The following PRTG variants were observed in gnomAD, a reference collection of about 807,000 sequenced individuals.
PRTG encodes protogenin.
PRTG carries 67 observed loss-of-function variants against 122.5 expected under a neutral mutation model. The ratio of observed to expected loss-of-function variants is 0.55; its 90% CI spans 0.45 to 0.67. PRTG has a LOEUF of 0.67. Among genes scored for constraint, PRTG ranks in the 30% least tolerant of loss-of-function variants. The pLI, the probability that PRTG is intolerant of heterozygous loss-of-function variation, is 0.00. For synonymous variants in PRTG, 554 were observed against 501.1 expected (o/e 1.11, Z -1.41); for missense variants, 1,435 against 1,415.4 (o/e 1.01, Z -0.22).
At chr15:55,676,273 T>C (rs1308067922) in intron 8 of PRTG, among the ~76,000 whole-genome samples, 1 of 96,130 alleles carries the variant, frequency 1.0e-5, no homozygotes, top group African/African-American at 6.6e-5. Context: ...CCACAGTGAG[T>C]TTTTTTTTTT....
At chr15:55,653,548 C>T (rs1240416959) in intron 11 of PRTG, among the ~76,000 whole-genome samples, 1 of 151,944 alleles carries the variant, frequency 6.6e-6, no homozygotes, top group African/African-American at 2.4e-5. Flanking sequence ...ACTGCAACCT[C>T]TGCCTCCTGA....
At chr15:55,662,075 T>G (rs1440782665) in intron 11 of PRTG, among the ~76,000 whole-genome samples, 1 of 152,220 alleles carries the variant, frequency 6.6e-6, no homozygotes, top group Admixed American at 6.5e-5. Context: ...TTCCCAATTA[T>G]TTGTGTTTGA....
At position 55,675,618 on chromosome 15, in the gene PRTG, A is replaced by G; in HGVS notation, c.1447T>C (p.Leu483=). Residue 483 remains leucine (L), a synonymous_variant, in exon 9 of 20, where the codon TTA becomes CTA. Transcript: ENST00000389286. The part of the protein sequence containing the change: ...NDTTHYIIDD[L]EPASNYTFYI... ...AAAGTATAATTGCTGGCAGGCTCTA[A>G]GTCATCAATAATATAATGAGTTGTG... is the stretch of plus-strand genomic sequence containing the variant. The G allele has an allele frequency of 1.2e-6, 2 of 1,603,512 alleles. No homozygotes were observed. Among genetic ancestry groups the G allele is most frequent in the East Asian group, 2.2e-5 (1 of 44,810 alleles).
intron 4 of PRTG, among the ~76,000 whole-genome samples, chr15:55,682,070 A>G (rs2059541615): frequency 6.6e-6 from 1 of 152,188 alleles, no homozygotes; most frequent in African/African-American, 2.4e-5. Context: ...ATAACATGCC[A>G]TTTTCTATGA....
chr15:55,672,470 G>A lies in PRTG; in HGVS notation c.2016C>T (p.Asp672=), dbSNP rs962070446. The change falls in exon 11 of 20, where the codon GAC becomes GAT. Residue 672 remains aspartate, a synonymous_variant. Coordinates refer to ENST00000389286, the MANE Select transcript of PRTG (RefSeq NM_173814.6). ...CTAAGCCACTGAGAGTATAGAGTAG[G>A]TCCTTGGTATCCAAGAAAATGGGCC... ...ENGPIFLDTK[D]LLYTLSGLDP... is the part of the protein sequence containing the mutation. 3 of 1,613,884 alleles carry A rather than the reference G, an allele frequency of 1.9e-6. No homozygotes were observed. In the African/African-American group the frequency reaches 4.0e-5, roughly 22 times the overall value.
chr15:55,626,959 C>A (rs376388484), intron 17 of PRTG, 49 bp downstream of exon 17: 2 of 1,525,162 alleles, frequency 1.3e-6, no homozygotes, highest in Admixed American at 2.1e-5. Flanking sequence ...CTGTGGCTAC[C>A]GTAATTTAAA....
At chr15:55,672,714 T>C in intron 10 of PRTG, 81 bp from the exon 11 acceptor site, 1 of 1,044,542 alleles carries the variant, frequency 9.6e-7, no homozygotes, top group Admixed American at 3.3e-5. Context: ...TTCTCTCAGT[T>C]TTAAGCAAAC....
chr15:55,695,984 A>G (rs548978861), intron 2 of PRTG, among the ~76,000 whole-genome samples: 2 of 152,210 alleles, frequency 1.3e-5, no homozygotes, highest in South Asian at 4.2e-4. Flanking sequence ...ACAAAACACA[A>G]CACAGGGAGG....
rs1390063985 is a variant in PRTG, at chr15:55,679,348, C to T, written c.1071G>A (p.Lys357=). 1 of 1,613,292 alleles carries T rather than the reference C, an allele frequency of 6.2e-7. No individual in the cohort carries two copies. ...TCCTTCCATTTTTCAACCATGACATCTTGGGAGAGGGGATTCCTTCTGCCT... is the reference window on the plus strand; with the variant it reads ...TCCTTCCATTTTTCAACCATGACATTTTGGGAGAGGGGATTCCTTCTGCCT... ...VCQAEGIPSP[K]MSWLKNGRKI... The change falls in exon 7 of 20, where the codon AAG becomes AAA. Residue 357 remains lysine, a synonymous_variant. Coordinates refer to ENST00000389286, the MANE Select transcript of PRTG (RefSeq NM_173814.6).
chr15:55,737,894 C>G (rs962447858), intron 2 of PRTG, among the ~76,000 whole-genome samples: 2 of 140,134 alleles, frequency 1.4e-5, no homozygotes, highest in Non-Finnish European at 3.1e-5. Flanking sequence ...CACACTTGTA[C>G]CCTGCTGCTA....
chr15:55,732,373 T>C (rs1267836821), intron 2 of PRTG, among the ~76,000 whole-genome samples: 16 of 150,568 alleles, frequency 1.1e-4, no homozygotes, highest in Non-Finnish European at 5.9e-5. Flanking sequence ...TTAGTAGAGA[T>C]GGTGTTTCAC....
intron 15 of PRTG, among the ~76,000 whole-genome samples, chr15:55,632,456 G>C (rs1056589252): frequency 6.6e-6 from 1 of 152,094 alleles, no homozygotes; most frequent in Non-Finnish European, 1.5e-5. Flanking sequence ...CTTTCTCAAC[G>C]TAAACCTAAT....
At chr15:55,671,317 C>A (rs192008309) in intron 11 of PRTG, among the ~76,000 whole-genome samples, 37 of 152,240 alleles carry the variant, frequency 2.4e-4, no homozygotes, top group African/African-American at 7.7e-4. Context: ...TCTGTAAAAT[C>A]CTAATATGTC....
At chr15:55,656,268 T>C (rs2059379295) in intron 11 of PRTG, 1 of 447,474 alleles carries the variant, frequency 2.2e-6, no homozygotes, top group Non-Finnish European at 4.5e-6. Context: ...TTTCCTGTCT[T>C]CTCCAAGGAT....
intron 2 of PRTG, among the ~76,000 whole-genome samples, chr15:55,717,514 T>C (rs1322473540): frequency 2.6e-5 from 4 of 152,236 alleles, no homozygotes; most frequent in African/African-American, 9.6e-5. Flanking sequence ...GAAAGAAAGT[T>C]ATGACCTTTG....
intron 2 of PRTG, among the ~76,000 whole-genome samples, chr15:55,702,578 T>C (rs1015078673): frequency 6.6e-6 from 1 of 152,174 alleles, no homozygotes; most frequent in African/African-American, 2.4e-5. Context: ...TAAGTTTAAA[T>C]TACTTTATAA....
chr15:55,672,746 A>G (rs567724868), intron 10 of PRTG, 113 bp from the exon 11 acceptor site: 1 of 693,416 alleles, frequency 1.4e-6, no homozygotes, highest in African/African-American at 1.8e-5. Flanking sequence ...GGTTCAATCC[A>G]AAAATTATAC....
chr15:55,718,446 C>T (rs1013455052), intron 2 of PRTG, among the ~76,000 whole-genome samples: 2 of 152,018 alleles, frequency 1.3e-5, no homozygotes, highest in African/African-American at 4.8e-5. Flanking sequence ...TCCTTTTCTA[C>T]ACCTTGTGAC....
Position 55,642,597 on chromosome 15 carries a change from C to CAA in PRTG, c.2042-1391_2042-1390dup, listed in dbSNP as rs10708251. On this transcript the variant is annotated intron_variant, in intron 11 of 19. Coordinates refer to ENST00000389286, the MANE Select transcript of PRTG (RefSeq NM_173814.6). The stretch of plus-strand genomic sequence containing the variant: ...TGGGTAACAGAGCAAAACTCCATCT[C>CAA]AAAAAAAAAAAAAAAAAAAGGATAC... 3.9e-4 allele frequency among the ~76,000 whole-genome samples: 37 copies of CAA among 95,172 alleles called. 1 individual carries two copies. The highest frequency in any genetic ancestry group is 1.4e-3 in the African/African-American group (34 of 25,098). 62.4% of individuals were successfully genotyped at this position (95,172 alleles called of 152,430 possible).
Sources: gnomAD v4.1 joint callset for allele counts (sites outside exome capture counted in the v4.1 genomes callset) on GRCh38, gnomAD v4.1.1 for gene constraint, MANE v1.5 for transcripts, NCBI Gene and HGNC (gene_info 2026-07-23, HGNC 2026-07-21) for gene names.